Variants in SIRPG observed in about 807,000 individuals in gnomAD.
SIRPG encodes signal-regulatory protein gamma.
In SIRPG, 38 loss-of-function variants were observed where a neutral mutation model predicts 35.7. The ratio of observed to expected loss-of-function variants is 1.06; its 90% confidence interval spans 0.82 to 1.40. SIRPG has a LOEUF of 1.40. Among genes scored for constraint, SIRPG ranks in the 40% most tolerant of loss-of-function variants. The pLI is 0.00. For missense variants in SIRPG, 519 were observed against 483.0 expected, an observed-to-expected ratio of 1.07 and a Z score of -0.70; for synonymous variants, 215 against 190.4, an observed-to-expected ratio of 1.13 and a Z score of -1.06.
Position 1,649,380 on chromosome 20 carries a change from C to G in SIRPG, c.102G>C (p.Met34Ile), listed in dbSNP as rs375060745. The change falls in exon 2 of 6, where the codon ATG becomes ATC. Residue 34 changes from methionine to isoleucine, a missense_variant. Transcript: ENST00000303415. ...CCAACAGGAGCTTCTCAGGCTGAAT[C>G]ATCTGTAGCTCCTCCTCACCTGCCA... ...TEVAGEEELQMIQPEKLLLVT... is the reference protein window; with the variant it reads ...TEVAGEEELQIIQPEKLLLVT... 1.2e-5 allele frequency: 20 copies of G among 1,611,016 alleles called. No individual in the cohort carries two copies. The highest frequency in any genetic ancestry group is 1.6e-5 in the Non-Finnish European group (19 of 1,177,892).
At chr20:1,668,192 TC>T in the SIRPG span, among the ~76,000 whole-genome samples, 22,055 of 80,910 alleles carry the variant, frequency 0.27, 2,108 homozygotes, top group Non-Finnish European at 0.3. Context: ...TCTTTCTTTT[TC>T]TTTTCTTTTC....
At chr20:1,677,566 C>T in the SIRPG span, among the ~76,000 whole-genome samples, 2 of 152,126 alleles carry the variant, frequency 1.3e-5, no homozygotes, top group Admixed American at 6.5e-5. Context: ...TTGTTTTAAG[C>T]CCCTGGGAAT....
At chr20:1,652,591 A>G (rs2091947733) in intron 1 of SIRPG, among the ~76,000 whole-genome samples, 2 of 152,250 alleles carry the variant, frequency 1.3e-5, no homozygotes, top group South Asian at 4.1e-4. Context: ...ATTTATTTAT[A>G]GAATAAATAG....
the SIRPG span, among the ~76,000 whole-genome samples, chr20:1,672,809 C>T: frequency 4.6e-5 from 7 of 152,190 alleles, no homozygotes; most frequent in South Asian, 2.1e-4. Flanking sequence ...AAAGAGGGAA[C>T]GTTTTTGGAA....
intron 2 of SIRPG, chr20:1,637,699 T>C (rs927873850): frequency 5.3e-5 from 8 of 152,126 alleles, no homozygotes; most frequent in Non-Finnish European, 1.2e-4. Flanking sequence ...TTGGGCCAGG[T>C]TGGGTCCAAA....
chr20:1,650,002 G>A lies in SIRPG; in HGVS notation c.74-594C>T, dbSNP rs865905174. Among the ~76,000 whole-genome samples, 349 of 81,340 alleles carry A rather than the reference G, an allele frequency of 4.3e-3. 8 individuals carry two copies. The highest frequency in any genetic ancestry group is 0.017 in the African/African-American group (341 of 20,090). 53.4% of individuals were successfully genotyped at this position (81,340 alleles called of 152,430 possible). ...GAACTCCTGAACTCTACTTTGAAGTGTGTATATATATATATATATATATAT... is the reference window on the plus strand; with the variant it reads ...GAACTCCTGAACTCTACTTTGAAGTATGTATATATATATATATATATATAT... On this transcript the variant is annotated intron_variant, in intron 1 of 5. Coordinates refer to ENST00000303415, the MANE Select transcript of SIRPG (RefSeq NM_018556.4).
intron 2 of SIRPG, 145 bp from the exon 3 acceptor site, chr20:1,636,650 T>G: frequency 9.7e-7 from 1 of 1,028,076 alleles, no homozygotes; most frequent in East Asian, 2.6e-5. Flanking sequence ...ATTCTCATTT[T>G]ACAGAGCAGG....
chr20:1,663,100 T>G, the SIRPG span, among the ~76,000 whole-genome samples: 1 of 151,590 alleles, frequency 6.6e-6, no homozygotes, highest in Non-Finnish European at 1.5e-5. Context: ...GATCACGAGG[T>G]CAGGAGATCG....
intron 2 of SIRPG, among the ~76,000 whole-genome samples, chr20:1,642,344 A>G (rs1239430980): frequency 6.6e-6 from 1 of 151,804 alleles, no homozygotes; most frequent in Non-Finnish European, 1.5e-5. Flanking sequence ...GTCTTTTTTG[A>G]TCTTTGTTGG....
At chr20:1,631,903 G>A (rs551969637) in intron 4 of SIRPG, among the ~76,000 whole-genome samples, 9 of 152,296 alleles carry the variant, frequency 5.9e-5, no homozygotes, top group South Asian at 2.1e-4. Context: ...GAGAAGCTAC[G>A]AGTGATTGAT....
intron 1 of SIRPG, among the ~76,000 whole-genome samples, chr20:1,654,869 A>G (rs1294937569): frequency 6.6e-6 from 1 of 152,198 alleles, no homozygotes; most frequent in East Asian, 1.9e-4. Context: ...ATATGGGCCA[A>G]AGATCCGAAT....
At chr20:1,662,759 G>T (rs932997431), upstream of SIRPG, among the ~76,000 whole-genome samples, 2 of 152,036 alleles carry the variant, frequency 1.3e-5, no homozygotes, top group African/African-American at 4.8e-5. Context: ...ATCCTGCACT[G>T]CCATGCAAAG....
At chr20:1,646,817 T>G (rs1321222404) in intron 2 of SIRPG, 1 of 152,190 alleles carries the variant, frequency 6.6e-6, no homozygotes, top group East Asian at 1.9e-4. Context: ...CTGGCTACTT[T>G]TTTATTTTTA....
chr20:1,652,819 G>A (rs576136401), intron 1 of SIRPG, among the ~76,000 whole-genome samples: 2 of 152,220 alleles, frequency 1.3e-5, no homozygotes, highest in Non-Finnish European at 2.9e-5. Flanking sequence ...TCTCTGCAGT[G>A]GATGTAAGCA....
At chr20:1,683,977 A>G in the SIRPG span, among the ~76,000 whole-genome samples, 1 of 152,144 alleles carries the variant, frequency 6.6e-6, no homozygotes, top group Non-Finnish European at 1.5e-5. Flanking sequence ...CTCAAAAAAA[A>G]AAAAGAAGTA....
intron 4 of SIRPG, 152 bp downstream of exon 4, chr20:1,635,115 A>C (rs770199528): frequency 1.6e-6 from 1 of 613,426 alleles, no homozygotes; most frequent in Non-Finnish European, 2.8e-6. Context: ...CTTACTAGTC[A>C]TGACTCTTCG....
chr20:1,670,271 CT>C, the SIRPG span: 1 of 231,724 alleles, frequency 4.3e-6, no homozygotes, highest in Non-Finnish European at 9.7e-6. Context: ...AAGCTCTGAC[CT>C]TGTGGCACAG....
chr20:1,672,575 C>T, the SIRPG span, among the ~76,000 whole-genome samples: 10 of 152,152 alleles, frequency 6.6e-5, no homozygotes, highest in African/African-American at 2.4e-4. Context: ...TTTTGCCCAG[C>T]CATTGAATTG....
chr20:1,634,913 G>A (rs1308784232), intron 4 of SIRPG, among the ~76,000 whole-genome samples: 1 of 151,560 alleles, frequency 6.6e-6, no homozygotes, highest in Non-Finnish European at 1.5e-5. Context: ...CGTGGTGGCG[G>A]GCGCCTGTAG....
Sources: allele counts gnomAD v4.1 joint callset (sites outside exome capture counted in the v4.1 genomes callset), GRCh38; gene constraint gnomAD v4.1.1; transcripts MANE v1.5; gene names NCBI Gene and HGNC (gene_info 2026-07-23, HGNC 2026-07-21).